RBX1: variants seen among roughly 807,000 people sequenced by gnomAD.
RBX1 encodes ring-box 1, also known as E3 ubiquitin-protein ligase RBX1.
For missense variants in RBX1, 46 were observed against 141.4 expected, an observed-to-expected ratio of 0.33 and a Z score of 3.42; for synonymous variants, 48 against 47.9, an observed-to-expected ratio of 1.00 and a Z score of -0.01.
intron 2 of RBX1, among the ~76,000 whole-genome samples, chr22:40,959,287 CACTGTCAACCTGTTCTGGGTTG>C (rs1370237951): frequency 6.6e-6 from 1 of 152,212 alleles, no homozygotes; most frequent in Non-Finnish European, 1.5e-5. Context: ...CGTTATGTGC[CACTGTCAACCTGTTCTGGGTTG>C]ACAGTGAACA....
At chr22:40,967,932 C>T (rs747172667) in intron 4 of RBX1, 48 bp downstream of exon 4, 2 of 1,310,782 alleles carry the variant, frequency 1.5e-6, no homozygotes, top group African/African-American at 2.9e-5. Flanking sequence ...TTGCCTCAGG[C>T]TGAAAGGAGC....
intron 2 of RBX1, among the ~76,000 whole-genome samples, chr22:40,960,689 C>T (rs900083871): frequency 3.3e-5 from 5 of 152,084 alleles, no homozygotes; most frequent in Admixed American, 6.6e-5. Context: ...TTTTCTCTGC[C>T]ATTCTTTTAA....
In RBX1 at chr22:40,954,218, G is replaced by A. The variant is rs554124488; in HGVS notation, c.157+585G>A. Among the ~76,000 whole-genome samples, 17 of 148,956 alleles carry A rather than the reference G, an allele frequency of 1.1e-4. No individual in the cohort carries two copies. In the East Asian group the frequency reaches 3.0e-3, roughly 26 times the overall value. ...TGGGAGGCAGAGGTGGCAGTGAGCC[G>A]AGATCACACCACTGCACTACAACCT... is the stretch of plus-strand genomic sequence containing the variant. On this transcript the variant is annotated intron_variant, in intron 2 of 4. Coordinates refer to ENST00000216225, the MANE Select transcript of RBX1 (RefSeq NM_014248.4).
intron 4 of RBX1, among the ~76,000 whole-genome samples, chr22:40,970,590 TTA>T (rs985602878): frequency 2.6e-5 from 4 of 152,222 alleles, no homozygotes; most frequent in African/African-American, 9.6e-5. Context: ...GTTCATGTTT[TTA>T]TATCTCTTAC....
chr22:40,960,660 T>G (rs1313000835), intron 2 of RBX1, among the ~76,000 whole-genome samples: 1 of 152,190 alleles, frequency 6.6e-6, no homozygotes, highest in Non-Finnish European at 1.5e-5. Flanking sequence ...GGATCCAGCT[T>G]AAAGGACATC....
intron 2 of RBX1, among the ~76,000 whole-genome samples, chr22:40,961,985 A>G (rs2058341792): frequency 1.3e-5 from 2 of 151,942 alleles, no homozygotes; most frequent in Admixed American, 1.3e-4. Context: ...GGGTTTTGCC[A>G]TGTTTGCCAG....
At chr22:40,961,287 G>A (rs894268578) in intron 2 of RBX1, among the ~76,000 whole-genome samples, 1 of 151,478 alleles carries the variant, frequency 6.6e-6, no homozygotes, top group African/African-American at 2.4e-5. Flanking sequence ...ATGTTGCTGT[G>A]TTGCCCAGCC....
rs141131855 is a variant in RBX1, at chr22:40,954,848, G to A, written c.157+1215G>A. On this transcript the variant is annotated intron_variant, in intron 2 of 4. Transcript: ENST00000216225. The stretch of plus-strand genomic sequence containing the variant: ...GTCGCCCAGGTTGGAGTGCAGTGGC[G>A]TGATCTCAGCTCACTGCAACCTCCG... Among the ~76,000 whole-genome samples, 289 of 151,758 alleles carry A rather than the reference G, an allele frequency of 1.9e-3. 3 individuals are homozygous for A. The highest frequency in any genetic ancestry group is 6.8e-3 in the African/African-American group (283 of 41,380).
At chr22:40,965,736 C>A (rs2058352665) in intron 3 of RBX1, among the ~76,000 whole-genome samples, 1 of 152,200 alleles carries the variant, frequency 6.6e-6, no homozygotes, top group South Asian at 2.1e-4. Context: ...GCCACCGTGC[C>A]CAGCCCCTAC....
At chr22:40,968,593 ATTAGATTTTATTGT>A (rs2058360258) in intron 4 of RBX1, among the ~76,000 whole-genome samples, 1 of 152,106 alleles carries the variant, frequency 6.6e-6, no homozygotes, top group Non-Finnish European at 1.5e-5. Context: ...GGCTATCCTG[ATTAGATTTTATTGT>A]TATATAAATA....
chr22:40,959,591 G>A (rs1001624510), intron 2 of RBX1, among the ~76,000 whole-genome samples: 3 of 152,224 alleles, frequency 2.0e-5, no homozygotes, highest in Middle Eastern at 3.4e-3. Context: ...CGCGTGGATC[G>A]TGTGAGGCCA....
chr22:40,972,499 C>G lies in RBX1; in HGVS notation c.*11C>G. 6.3e-7 allele frequency: 1 copy of G among 1,596,966 alleles called. No individual in the cohort carries two copies. The highest frequency in any genetic ancestry group is 8.6e-7 in the Non-Finnish European group (1 of 1,164,626). On this transcript the variant is annotated 3_prime_UTR_variant, in exon 5 of 5. Coordinates refer to ENST00000216225, the MANE Select transcript of RBX1 (RefSeq NM_014248.4). ...AGGTATGGGCACTAGGAAAAGACTT[C>G]TTCCATCAAGCTTAATTGTTTTGTT...
At chr22:40,968,772 G>A (rs1016768033) in intron 4 of RBX1, among the ~76,000 whole-genome samples, 1 of 151,396 alleles carries the variant, frequency 6.6e-6, no homozygotes, top group Non-Finnish European at 1.5e-5. Context: ...TCTCTTATAT[G>A]TCCCGGTATT....
At chr22:40,960,914 C>T (rs1282464474) in intron 2 of RBX1, among the ~76,000 whole-genome samples, 1 of 151,064 alleles carries the variant, frequency 6.6e-6, no homozygotes, top group African/African-American at 2.4e-5. Flanking sequence ...ATGCGCCACC[C>T]ACCACACCCG....
intron 2 of RBX1, among the ~76,000 whole-genome samples, chr22:40,962,987 C>T (rs774422290): frequency 1.1e-4 from 17 of 151,468 alleles, no homozygotes; most frequent in Non-Finnish European, 1.5e-4. Flanking sequence ...TGAGCCATCG[C>T]GCCTGGCCTA....
At chr22:40,967,740 T>A in intron 3 of RBX1, 59 bp from the exon 4 acceptor site, 4 of 1,419,810 alleles carry the variant, frequency 2.8e-6, no homozygotes, top group Middle Eastern at 1.8e-4. Context: ...GGACCTGTTG[T>A]CGCTCGATGG....
chr22:40,972,484 A>G lies in RBX1; in HGVS notation c.323A>G (p.His108Arg). The G allele has an allele frequency of 6.2e-7, 1 of 1,606,016 alleles. No homozygotes were observed. The highest frequency in any genetic ancestry group is 8.5e-7 in the Non-Finnish European group (1 of 1,172,726). ...NREWEFQKYG[H>R] ...TTTACTTTGTCTTTCAGGTATGGGC[A>G]CTAGGAAAAGACTTCTTCCATCAAG... Residue 108 changes from histidine to arginine, a missense_variant, in exon 5 of 5, where the codon CAC (histidine) becomes CGC (arginine). Coordinates refer to ENST00000216225, the MANE Select transcript of RBX1 (RefSeq NM_014248.4).
At chr22:40,959,154 G>A (rs2058333227) in intron 2 of RBX1, among the ~76,000 whole-genome samples, 1 of 152,164 alleles carries the variant, frequency 6.6e-6, no homozygotes, top group African/African-American at 2.4e-5. Flanking sequence ...CTACTCTTGA[G>A]ATGAAGCCAT....
intron 3 of RBX1, among the ~76,000 whole-genome samples, chr22:40,964,792 C>T (rs1197134069): frequency 1.3e-5 from 2 of 152,150 alleles, no homozygotes; most frequent in Admixed American, 1.3e-4. Flanking sequence ...CAGCATGACA[C>T]AGGGATAAGA....
Sources: gnomAD v4.1 joint callset for allele counts (sites outside exome capture counted in the v4.1 genomes callset) on GRCh38, gnomAD v4.1.1 for gene constraint, MANE v1.5 for transcripts, NCBI Gene and HGNC (gene_info 2026-07-23, HGNC 2026-07-21) for gene names.